MOK: variants seen among roughly 807,000 people sequenced by gnomAD.
MOK encodes MAPK/MAK/MRK overlapping kinase.
MOK carries 59 observed loss-of-function variants against 54.2 expected under a neutral mutation model. The observed-to-expected ratio is 1.09, with a 90% CI of 0.88 to 1.35. MOK has a LOEUF of 1.35. Ranked by LOEUF, MOK falls within the 40% of genes most tolerant of loss-of-function variation. The pLI, the probability that MOK is intolerant of heterozygous loss-of-function variation, is 0.00. For missense variants in MOK, 517 were observed against 526.2 expected (o/e 0.98, Z 0.17); for synonymous variants, 210 against 202.7 (o/e 1.04, Z -0.31).
chr14:102,283,331 C>A, intron 2 of MOK, 147 bp downstream of exon 2: 1 of 556,318 alleles, frequency 1.8e-6, no homozygotes, highest in Non-Finnish European at 3.2e-6. Context: ...ATAAACATAA[C>A]ATTAGCATAT....
rs2065120752 is a variant in MOK at position 102,235,274 on chromosome 14, G to A, written c.591-1485C>T. 6.6e-6 allele frequency: 1 copy of A among 152,166 alleles called. No individual in the cohort carries two copies. Among genetic ancestry groups the A allele is most frequent in the Non-Finnish European group, 1.5e-5 (1 of 68,040 alleles). 9.4% of individuals were successfully genotyped at this position (152,166 alleles called of 1,614,324 possible). On this transcript the variant is annotated intron_variant, in intron 7 of 11. Coordinates refer to ENST00000361847, the MANE Select transcript of MOK (RefSeq NM_014226.3). This position sits in a 1 kb window ranked among gnomAD's most constrained non-coding sequence, Gnocchi z 4.4. ...CCACGTCCCATTTTCCCTCTCTAAT[G>A]TTTCCCAAATTGAGAAACGTCCAGG...
At chr14:102,252,861 C>T (rs2066637856) in intron 4 of MOK, among the ~76,000 whole-genome samples, 1 of 152,178 alleles carries the variant, frequency 6.6e-6, no homozygotes, top group African/African-American at 2.4e-5. Context: ...GGCTATTTCA[C>T]GGTTACGCTA....
chr14:102,253,758 A>G (rs1181391953), intron 4 of MOK, among the ~76,000 whole-genome samples: 1 of 152,198 alleles, frequency 6.6e-6, no homozygotes, highest in Non-Finnish European at 1.5e-5. Flanking sequence ...TTAATTTTCA[A>G]AGTGTGTGTT....
At chr14:102,280,223 G>GA (rs1359269900) in intron 2 of MOK, among the ~76,000 whole-genome samples, 14 of 151,910 alleles carry the variant, frequency 9.2e-5, no homozygotes, top group African/African-American at 2.9e-4. Flanking sequence ...AAAGAAGGCA[G>GA]AGTGAGACAG....
the MOK span, among the ~76,000 whole-genome samples, chr14:102,217,184 C>T: frequency 1.3e-5 from 2 of 152,168 alleles, no homozygotes; most frequent in Non-Finnish European, 2.9e-5. Flanking sequence ...TCCTGCCCCA[C>T]ACAGTAGAGA....
chr14:102,254,841 C>T (rs776052552), intron 4 of MOK, among the ~76,000 whole-genome samples: 14 of 152,190 alleles, frequency 9.2e-5, no homozygotes, highest in Non-Finnish European at 1.8e-4. Flanking sequence ...TCTCTGGTTG[C>T]TCCCAAAGCT....
At chr14:102,286,903 C>T (rs775803926) in intron 1 of MOK, among the ~76,000 whole-genome samples, 88 of 144,596 alleles carry the variant, frequency 6.1e-4, no homozygotes, top group Non-Finnish European at 1.0e-3. Context: ...AAGTGAGACT[C>T]CGTCTCAAAA....
intron 7 of MOK, 36 bp from the exon 8 acceptor site, chr14:102,233,825 G>A: frequency 6.6e-7 from 1 of 1,504,416 alleles, no homozygotes; most frequent in Non-Finnish European, 9.3e-7. Context: ...GTCAGTGTTA[G>A]GGCAGAGCCA....
chr14:102,228,418 C>T (rs1228729014), downstream of MOK, among the ~76,000 whole-genome samples: 2 of 152,138 alleles, frequency 1.3e-5, no homozygotes, highest in African/African-American at 2.4e-5. Flanking sequence ...CACACCAGGC[C>T]AGGCGCGGTG....
chr14:102,254,631 C>T (rs369428187), intron 4 of MOK, among the ~76,000 whole-genome samples: 4 of 152,192 alleles, frequency 2.6e-5, no homozygotes, highest in African/African-American at 9.6e-5. Context: ...CAGACTCCCA[C>T]GAGTGGGTTG....
intron 2 of MOK, among the ~76,000 whole-genome samples, chr14:102,275,414 A>G (rs2068765990): frequency 1.3e-5 from 2 of 152,022 alleles, no homozygotes; most frequent in Admixed American, 1.3e-4. Flanking sequence ...AATACAAAAA[A>G]TTAGCCGGGC....
At chr14:102,304,420 G>A (rs939931953) in intron 1 of MOK, among the ~76,000 whole-genome samples, 18 of 152,020 alleles carry the variant, frequency 1.2e-4, no homozygotes, top group Admixed American at 3.9e-4. Flanking sequence ...TAACTAAAAG[G>A]TTGCTTCAAA....
At chr14:102,294,262 T>A (rs7155659) in intron 1 of MOK, among the ~76,000 whole-genome samples, 7 of 151,876 alleles carry the variant, frequency 4.6e-5, no homozygotes, top group South Asian at 2.1e-4. Flanking sequence ...CTGGCTAACA[T>A]GGTGAAACCC....
intron 4 of MOK, among the ~76,000 whole-genome samples, chr14:102,255,209 T>TTGGGAGGCTGAGGCAGGAGAATGG (rs1349374670): frequency 1.3e-5 from 2 of 152,072 alleles, no homozygotes; most frequent in Admixed American, 1.3e-4. Context: ...TCCCAGCTAC[T>TTGGGAGGCTGAGGCAGGAGAATGG]TGGGAGGCTG....
At chr14:102,277,925 C>A (rs1200280195) in intron 2 of MOK, among the ~76,000 whole-genome samples, 2 of 152,102 alleles carry the variant, frequency 1.3e-5, no homozygotes, top group Non-Finnish European at 2.9e-5. Flanking sequence ...AAAATTCATA[C>A]GTTGAAACCC....
At chr14:102,237,488 C>A (rs545067489) in intron 7 of MOK, among the ~76,000 whole-genome samples, 3 of 152,290 alleles carry the variant, frequency 2.0e-5, no homozygotes, top group Middle Eastern at 3.4e-3. Flanking sequence ...CTAGAACTAG[C>A]AGGCTTTTTT....
intron 1 of MOK, among the ~76,000 whole-genome samples, chr14:102,291,175 C>T (rs1242810069): frequency 3.3e-5 from 5 of 152,086 alleles, no homozygotes; most frequent in Non-Finnish European, 5.9e-5. Context: ...GACAAAAAAC[C>T]GGAAGCCATA....
At chr14:102,255,136 G>C (rs894634153) in intron 4 of MOK, among the ~76,000 whole-genome samples, 2 of 152,084 alleles carry the variant, frequency 1.3e-5, no homozygotes, top group Non-Finnish European at 2.9e-5. Context: ...TGGCTAACAC[G>C]GTGAAGCCCC....
At chr14:102,272,885 T>G (rs2068495317) in intron 2 of MOK, among the ~76,000 whole-genome samples, 1 of 151,972 alleles carries the variant, frequency 6.6e-6, no homozygotes. Flanking sequence ...AGAAAAAAAG[T>G]CATGGGCCGG....
Sources: gnomAD v4.1 joint callset for allele counts (sites outside exome capture counted in the v4.1 genomes callset) on GRCh38, gnomAD v4.1.1 for gene constraint, Gnocchi (gnomAD v3.1) non-coding constraint, MANE v1.5 for transcripts, NCBI Gene and HGNC (gene_info 2026-07-23, HGNC 2026-07-21) for gene names.